ZNF254: variants seen among roughly 807,000 people sequenced by gnomAD.
ZNF254 encodes the protein zinc finger protein 254.
ZNF254 carries 10 observed loss-of-function variants against 12.4 expected under a neutral mutation model. The ratio of observed to expected loss-of-function variants is 0.80; its 90% CI spans 0.50 to 1.36. The LOEUF (loss-of-function observed/expected upper bound fraction) is 1.36, where lower values mean the gene tolerates loss of function less well. Among genes scored for constraint, ZNF254 ranks in the 40% most tolerant of loss-of-function variants. ZNF254 has a pLI of 0.00. For missense variants in ZNF254, 996 were observed against 763.9 expected (o/e 1.30, Z -3.58); for synonymous variants, 305 against 253.4 (o/e 1.20, Z -1.93).
At chr19:24,069,196 AG>A (rs1971389650) in intron 2 of ZNF254, among the ~76,000 whole-genome samples, 1 of 151,552 alleles carries the variant, frequency 6.6e-6, no homozygotes, top group South Asian at 2.1e-4. Flanking sequence ...ATTACAGATG[AG>A]TTTTCACCAT....
chr19:24,094,107 G>C (rs1972543448), intron 1 of ZNF254, among the ~76,000 whole-genome samples: 1 of 152,010 alleles, frequency 6.6e-6, no homozygotes, highest in African/African-American at 2.4e-5. Flanking sequence ...ACTAATTTTT[G>C]TACACTTACT....
chr19:24,113,554 T>C (rs1450830918), intron 3 of ZNF254, among the ~76,000 whole-genome samples: 1 of 152,160 alleles, frequency 6.6e-6, no homozygotes, highest in Non-Finnish European at 1.5e-5. Context: ...AAGAGCTATC[T>C]ATGCCAAACC....
At chr19:24,124,211 A>G (rs1974676816) in intron 3 of ZNF254, among the ~76,000 whole-genome samples, 1 of 152,130 alleles carries the variant, frequency 6.6e-6, no homozygotes, top group Admixed American at 6.5e-5. Flanking sequence ...AATCTGGTAA[A>G]TAAACTTAAG....
At chr19:24,073,271 C>T (rs1235060849) in intron 2 of ZNF254, among the ~76,000 whole-genome samples, 3 of 152,166 alleles carry the variant, frequency 2.0e-5, no homozygotes, top group Non-Finnish European at 4.4e-5. Flanking sequence ...AATTCTGTTA[C>T]ATGTGATCAT....
At chr19:24,060,182 C>T (rs1249495154) in intron 2 of ZNF254, among the ~76,000 whole-genome samples, 3 of 152,190 alleles carry the variant, frequency 2.0e-5, no homozygotes, top group African/African-American at 7.2e-5. Context: ...TCCTGCCAGG[C>T]CACTGCCTTC....
At chr19:24,110,038 A>G (rs1470754860) in intron 3 of ZNF254, among the ~76,000 whole-genome samples, 2 of 151,346 alleles carry the variant, frequency 1.3e-5, no homozygotes, top group Non-Finnish European at 2.9e-5. Flanking sequence ...CTCTTAACTC[A>G]TTTTCAGTGT....
At position 24,127,150 on chromosome 19, in the gene ZNF254, G is replaced by A. The variant is rs377041897; in HGVS notation, c.1150G>A (p.Gly384Ser). The change falls in exon 4 of 4, where the codon GGC (glycine) becomes AGC (serine). Residue 384 changes from glycine (G) to serine (S), a missense_variant. Coordinates refer to ENST00000357002, the MANE Select transcript of ZNF254 (RefSeq NM_203282.4). ...GAAACGCTACAAATGCTTAGAATGT[G>A]GCAAAGCTTTTAAGCAACTCTCAAC... is the stretch of plus-strand genomic sequence containing the variant. ...GEKRYKCLEC[G>S]KAFKQLSTLT... is the part of the protein sequence containing the mutation. 1.9e-6 allele frequency: 3 copies of A among 1,612,940 alleles called. No individual in the cohort carries two copies. Among genetic ancestry groups the A allele is most frequent in the African/African-American group, 2.7e-5 (2 of 74,688 alleles).
chr19:24,076,558 G>A lies in ZNF254; in HGVS notation c.-93-29382G>A, dbSNP rs148210200. On this transcript the variant is annotated intron_variant, in intron 2 of 4. Coordinates refer to the ZNF254 transcript ENST00000613065. ...TTGCAGCCCAGTAGGTCTCAGCCTC[G>A]TTTCACCTCAACACTATTCAAGATG... Among the ~76,000 whole-genome samples, 169 of 152,172 alleles carry A rather than the reference G, an allele frequency of 1.1e-3. 1 individual carries two copies. The highest frequency in any genetic ancestry group is 4.4e-3 in the East Asian group (23 of 5,178).
chr19:24,109,493 A>G (rs1002529782), intron 3 of ZNF254, among the ~76,000 whole-genome samples: 21 of 151,994 alleles, frequency 1.4e-4, no homozygotes, highest in Admixed American at 1.0e-3. Flanking sequence ...TATTGTGTCT[A>G]TTGATTTCGT....
Position 24,129,842 on chromosome 19 carries a change from A to T in ZNF254, c.*1862A>T, listed in dbSNP as rs1000375876. The T allele has an allele frequency of 1.3e-5, 2 of 151,988 alleles. No homozygotes were observed. Among genetic ancestry groups the T allele is most frequent in the East Asian group, 3.8e-4 (2 of 5,198 alleles). 9.4% of individuals were successfully genotyped at this position (151,988 alleles called of 1,614,324 possible). A position where few individuals can be genotyped will look rare whatever the true frequency, so the allele number is the denominator to read the frequency against. On this transcript the variant is annotated 3_prime_UTR_variant, in exon 4 of 4. Transcript: ENST00000357002. ...TTCTGAGTTCTGAATAAATATTTTT[A>T]AAAATTTTAATATATTTTTCTTTGA...
At chr19:24,073,541 AC>A (rs1971553688) in intron 2 of ZNF254, among the ~76,000 whole-genome samples, 1 of 152,210 alleles carries the variant, frequency 6.6e-6, no homozygotes, top group Admixed American at 6.5e-5. Context: ...ACACATGCAC[AC>A]CCAGCCGACA....
intron 2 of ZNF254, among the ~76,000 whole-genome samples, chr19:24,074,427 C>G (rs1442329553): frequency 2.0e-5 from 3 of 152,198 alleles, no homozygotes; most frequent in Non-Finnish European, 2.9e-5. Context: ...GTGAATCCAT[C>G]ATCTTTGTGC....
intron 1 of ZNF254, among the ~76,000 whole-genome samples, chr19:24,041,190 C>A (rs534054825): frequency 6.6e-6 from 1 of 152,264 alleles, no homozygotes; most frequent in Non-Finnish European, 1.5e-5. Flanking sequence ...CGGCACCTCC[C>A]CTGCCTGGGC....
intron 2 of ZNF254, among the ~76,000 whole-genome samples, chr19:24,056,216 T>C (rs1970848543): frequency 6.6e-6 from 1 of 152,214 alleles, no homozygotes; most frequent in Non-Finnish European, 1.5e-5. Context: ...GCCCAGGTTA[T>C]GTGACTCTCC....
At chr19:24,057,287 G>A (rs1970894632) in intron 2 of ZNF254, among the ~76,000 whole-genome samples, 2 of 152,216 alleles carry the variant, frequency 1.3e-5, no homozygotes, top group African/African-American at 2.4e-5. Flanking sequence ...GCAGTGCAGA[G>A]TTGAAATTGT....
intron 2 of ZNF254, chr19:24,065,862 G>A (rs2145444516): frequency 6.6e-6 from 1 of 152,312 alleles, no homozygotes; most frequent in South Asian, 2.1e-4. Flanking sequence ...GGTGATGGAT[G>A]TAACTTTTTT....
At chr19:24,047,616 GCT>G (rs1367470569) in intron 2 of ZNF254, among the ~76,000 whole-genome samples, 1 of 49,692 alleles carries the variant, frequency 2.0e-5, no homozygotes, top group South Asian at 6.1e-4. Context: ...TTTTTTTTTT[GCT>G]CTCTCTCTTG....
intron 2 of ZNF254, among the ~76,000 whole-genome samples, chr19:24,063,444 G>A (rs141198795): frequency 8.5e-5 from 13 of 152,288 alleles, no homozygotes; most frequent in Admixed American, 2.6e-4. Flanking sequence ...GGTGTGAGTC[G>A]GCTCTTCTGC....
rs906012727 is a variant in ZNF254, at chr19:24,129,010, A to C, written c.*1030A>C. 9 of 152,006 alleles carry C rather than the reference A, an allele frequency of 5.9e-5. No homozygotes were observed. Among genetic ancestry groups the C allele is most frequent in the Non-Finnish European group, 1.2e-4 (8 of 67,906 alleles). 9.4% of individuals were successfully genotyped at this position (152,006 alleles called of 1,614,324 possible). On this transcript the variant is annotated 3_prime_UTR_variant, in exon 4 of 4. Transcript: ENST00000357002. Reference sequence around the variant, plus strand: ...AGCATGTGACTAATTGTTGCTGCATAAAAGATATGAGATTCTTTTTTATTA... The same window carrying C: ...AGCATGTGACTAATTGTTGCTGCATCAAAGATATGAGATTCTTTTTTATTA...
Sources: allele counts gnomAD v4.1 joint callset (sites outside exome capture counted in the v4.1 genomes callset), GRCh38; gene constraint gnomAD v4.1.1; transcripts MANE v1.5; gene names NCBI Gene and HGNC (gene_info 2026-07-23, HGNC 2026-07-21).